The following SUPT3H variants were observed in gnomAD, a reference collection of about 807,000 sequenced individuals.
SUPT3H encodes transcription initiation protein SPT3 homolog.
Under a neutral mutation model 44.3 loss-of-function variants are expected in SUPT3H, and 44 were observed. That is an observed-to-expected ratio of 0.99 (90% CI 0.78 to 1.28). SUPT3H has a LOEUF of 1.28. SUPT3H is among the 50% of genes most tolerant of loss of function. The pLI is 0.00. For missense variants in SUPT3H, 380 were observed against 387.1 expected, an observed-to-expected ratio of 0.98 and a Z score of 0.15; for synonymous variants, 124 against 125.6, an observed-to-expected ratio of 0.99 and a Z score of 0.09.
intron 2 of SUPT3H, among the ~76,000 whole-genome samples, chr6:45,256,945 T>G (rs1277894680): frequency 6.6e-6 from 1 of 152,216 alleles, no homozygotes; most frequent in East Asian, 1.9e-4. Flanking sequence ...TTTTCTTGAG[T>G]GCATACCCAG....
chr6:44,887,231 T>A (rs1380855660), intron 10 of SUPT3H, among the ~76,000 whole-genome samples: 1 of 152,046 alleles, frequency 6.6e-6, no homozygotes, highest in Non-Finnish European at 1.5e-5. Context: ...TTAACAAGGA[T>A]ATCCAGGAAT....
At chr6:44,812,894 A>C (rs1766631983) in intron 11 of SUPT3H, among the ~76,000 whole-genome samples, 1 of 152,156 alleles carries the variant, frequency 6.6e-6, no homozygotes, top group Admixed American at 6.5e-5. Flanking sequence ...TTCTGCATGC[A>C]ATTTCCCCTT....
chr6:44,848,120 C>T (rs1437828886), intron 10 of SUPT3H, among the ~76,000 whole-genome samples: 1 of 144,092 alleles, frequency 6.9e-6, no homozygotes, highest in Admixed American at 7.2e-5. Flanking sequence ...TGTGTGCCAC[C>T]ACACTCAGCT....
At chr6:45,116,555 G>A (rs948561289) in intron 2 of SUPT3H, among the ~76,000 whole-genome samples, 4 of 152,092 alleles carry the variant, frequency 2.6e-5, no homozygotes, top group African/African-American at 9.7e-5. Flanking sequence ...GAAATTCTGG[G>A]TTTTTAAAAA....
intron 3 of SUPT3H, among the ~76,000 whole-genome samples, chr6:45,074,439 AAAG>A (rs1407796046): frequency 1.3e-5 from 2 of 152,060 alleles, no homozygotes; most frequent in Non-Finnish European, 2.9e-5. Flanking sequence ...GAGATATATG[AAAG>A]GCAATAAGCC....
At chr6:45,226,622 CT>C (rs1435878022) in intron 2 of SUPT3H, among the ~76,000 whole-genome samples, 1 of 152,162 alleles carries the variant, frequency 6.6e-6, no homozygotes, top group Non-Finnish European at 1.5e-5. Flanking sequence ...TCACTGCAAC[CT>C]CCGCATCCCG....
At chr6:45,152,249 A>C (rs913005043) in intron 2 of SUPT3H, among the ~76,000 whole-genome samples, 2 of 152,176 alleles carry the variant, frequency 1.3e-5, no homozygotes, top group Non-Finnish European at 2.9e-5. Flanking sequence ...AAAGGCCTTA[A>C]AATCATCTCC....
chr6:44,969,628 C>T (rs528614307), intron 6 of SUPT3H, among the ~76,000 whole-genome samples: 181 of 152,138 alleles, frequency 1.2e-3, no homozygotes, highest in African/African-American at 3.9e-3. Context: ...AACACACATA[C>T]GCACACAAAG....
At chr6:44,833,759 TAAACA>T (rs1347912804) in intron 10 of SUPT3H, among the ~76,000 whole-genome samples, 2 of 152,114 alleles carry the variant, frequency 1.3e-5, no homozygotes, top group Non-Finnish European at 2.9e-5. Flanking sequence ...TGTCTTACAA[TAAACA>T]AAACAAACCA....
intron 2 of SUPT3H, among the ~76,000 whole-genome samples, chr6:45,121,338 G>GTGATT (rs1801628011): frequency 6.6e-6 from 1 of 152,182 alleles, no homozygotes; most frequent in South Asian, 2.1e-4. Flanking sequence ...GAAGGAAATT[G>GTGATT]TGATGCTCTG....
At chr6:45,119,681 G>T (rs1801331586) in intron 2 of SUPT3H, among the ~76,000 whole-genome samples, 1 of 152,112 alleles carries the variant, frequency 6.6e-6, no homozygotes, top group African/African-American at 2.4e-5. Flanking sequence ...AGTGGAATTA[G>T]GTTATGCAGT....
Position 45,163,616 on chromosome 6 carries a change from T to C in SUPT3H, c.102-57610A>G, listed in dbSNP as rs369396341. ...AATTAAAATGACTGTCAGTAGGTGG[T>C]TGCTAGGATGGGTTTAGCTGCTCAT... On this transcript the variant is annotated intron_variant, in intron 2 of 10. Coordinates refer to ENST00000371459, the MANE Select transcript of SUPT3H (RefSeq NM_003599.4). Among the ~76,000 whole-genome samples, 5 of 152,304 alleles carry C rather than the reference T, an allele frequency of 3.3e-5. No individual in the cohort carries two copies. In the South Asian group the frequency reaches 6.2e-4, roughly 19 times the overall value.
At chr6:45,229,974 C>T (rs1314977678) in intron 2 of SUPT3H, among the ~76,000 whole-genome samples, 1 of 152,082 alleles carries the variant, frequency 6.6e-6, no homozygotes, top group Non-Finnish European at 1.5e-5. Context: ...ATTCATGGTC[C>T]CTTTCCCCCA....
rs139505163 is a variant in SUPT3H at position 45,051,526 on chromosome 6, G to GTA, written c.187-30896_187-30895dup. On this transcript the variant is annotated intron_variant, in intron 3 of 10. Transcript: ENST00000371459. ...ATATATATTTATCAAATGTATGTATGTATATATATTTATTAAATATATGTA... is the reference window on the plus strand; with the variant it reads ...ATATATATTTATCAAATGTATGTATGTATATATATATTTATTAAATATATGTA... 6.4e-3 allele frequency among the ~76,000 whole-genome samples: 959 copies of GTA among 150,822 alleles called. 18 individuals are homozygous for GTA. The highest frequency in any genetic ancestry group is 0.022 in the African/African-American group (904 of 41,238).
At chr6:45,290,620 T>A (rs1482100831) in intron 2 of SUPT3H, among the ~76,000 whole-genome samples, 1 of 152,130 alleles carries the variant, frequency 6.6e-6, no homozygotes, top group African/African-American at 2.4e-5. Flanking sequence ...AAAATATTTT[T>A]AAAAAACTAA....
At chr6:45,098,802 G>T in intron 3 of SUPT3H, 1 of 532,728 alleles carries the variant, frequency 1.9e-6, no homozygotes. Context: ...CTGTTGTTCA[G>T]AGAGAGCAGT....
At chr6:45,192,672 G>T (rs1392499276) in intron 2 of SUPT3H, among the ~76,000 whole-genome samples, 1 of 151,964 alleles carries the variant, frequency 6.6e-6, no homozygotes, top group Non-Finnish European at 1.5e-5. Flanking sequence ...ACAAAGCAAA[G>T]ATTCCTTACT....
At position 45,083,515 on chromosome 6, in the gene SUPT3H, A is replaced by C. The variant is rs114251049; in HGVS notation, c.186+22407T>G. 1.6e-3 allele frequency among the ~76,000 whole-genome samples: 248 copies of C among 152,226 alleles called. 2 individuals are homozygous for C. The highest frequency in any genetic ancestry group is 5.6e-3 in the African/African-American group (234 of 41,558). ...AAGAATCACTATCTTTAAAAAGGCCATATGGCTTAAAGCAGGGTACAGATT... is the reference window on the plus strand; with the variant it reads ...AAGAATCACTATCTTTAAAAAGGCCCTATGGCTTAAAGCAGGGTACAGATT... On this transcript the variant is annotated intron_variant, in intron 3 of 10. Transcript: ENST00000371459.
chr6:45,104,614 T>C (rs530817203), intron 3 of SUPT3H, among the ~76,000 whole-genome samples: 20 of 152,224 alleles, frequency 1.3e-4, no homozygotes, highest in African/African-American at 4.8e-4. Flanking sequence ...TCTGTAGATT[T>C]ATGTATTTCA....
Sources: gnomAD v4.1 joint callset for allele counts (sites outside exome capture counted in the v4.1 genomes callset) on GRCh38, gnomAD v4.1.1 for gene constraint, MANE v1.5 for transcripts, NCBI Gene and HGNC (gene_info 2026-07-23, HGNC 2026-07-21) for gene names.